Variants in RGS7BP observed in about 807,000 individuals in gnomAD.
RGS7BP encodes regulator of G protein signaling 7 binding protein.
Under a neutral mutation model 31.3 loss-of-function variants are expected in RGS7BP, and 9 were observed. That is an observed-to-expected ratio of 0.29 (90% CI 0.17 to 0.50). The LOEUF is 0.50. Ranked by LOEUF, RGS7BP falls within the 20% of genes least tolerant of loss-of-function variation. The probability of loss-of-function intolerance (pLI) is 0.98; values close to 1 mark genes in which losing one functional copy is unlikely to be tolerated. For synonymous variants in RGS7BP, 115 were observed against 120.1 expected (o/e 0.96, Z 0.28); for missense variants, 274 against 322.0 (o/e 0.85, Z 1.14).
chr5:64,605,232 G>C (rs1229082567), intron 5 of RGS7BP, among the ~76,000 whole-genome samples: 2 of 151,960 alleles, frequency 1.3e-5, no homozygotes, highest in Non-Finnish European at 2.9e-5. Context: ...TGATATAAAA[G>C]TCTTAATTAG....
At chr5:64,596,245 G>A (rs771131983) in intron 4 of RGS7BP, among the ~76,000 whole-genome samples, 1 of 152,184 alleles carries the variant, frequency 6.6e-6, no homozygotes, top group Non-Finnish European at 1.5e-5. Context: ...CCAGATTCTG[G>A]TCAAAGGAGA....
chr5:64,537,823 G>A (rs1436482800), intron 2 of RGS7BP, among the ~76,000 whole-genome samples: 1 of 152,144 alleles, frequency 6.6e-6, no homozygotes, highest in East Asian at 1.9e-4. Context: ...GCTGCTAAAA[G>A]CATTCCATTA....
chr5:64,564,711 G>T (rs1374431062), intron 2 of RGS7BP, among the ~76,000 whole-genome samples: 2 of 152,124 alleles, frequency 1.3e-5, no homozygotes, highest in Non-Finnish European at 2.9e-5. Context: ...TCACTTTGCA[G>T]ACTGTTATAT....
chr5:64,509,787 G>T (rs1388962499), intron 2 of RGS7BP, among the ~76,000 whole-genome samples: 1 of 152,052 alleles, frequency 6.6e-6, no homozygotes, highest in Non-Finnish European at 1.5e-5. Context: ...AAGAATTAGT[G>T]GGAAAATAAG....
At chr5:64,605,926 TGCTATATATATGTATATCTGGATAC>T (rs1743343595) in intron 5 of RGS7BP, among the ~76,000 whole-genome samples, 1 of 148,172 alleles carries the variant, frequency 6.7e-6, no homozygotes, top group East Asian at 2.0e-4. Flanking sequence ...CATATATATA[TGCTATATATATGTATATCTGGATAC>T]ATATATATAT....
intron 2 of RGS7BP, among the ~76,000 whole-genome samples, chr5:64,540,464 A>G (rs1741500058): frequency 6.6e-6 from 1 of 152,318 alleles, no homozygotes; most frequent in South Asian, 2.1e-4. Context: ...GGACTATAAT[A>G]AAATCTCCAA....
At position 64,533,510 on chromosome 5, in the gene RGS7BP, A is replaced by G. The variant is rs537218534; in HGVS notation, c.332+25633A>G. Among the ~76,000 whole-genome samples the G allele has an allele frequency of 1.8e-3, 281 of 152,290 alleles. 1 individual carries two copies. The highest frequency in any genetic ancestry group is 3.2e-3 in the African/African-American group (132 of 41,576). ...AATGCTCAGGCCACGACCCACATCA[A>G]TTGGGACCACCTGGGGGGTGGGATC... On this transcript the variant is annotated intron_variant, in intron 2 of 5. Transcript: ENST00000334025.
At chr5:64,554,215 A>AAT (rs1393673713) in intron 2 of RGS7BP, among the ~76,000 whole-genome samples, 1 of 152,088 alleles carries the variant, frequency 6.6e-6, no homozygotes, top group Non-Finnish European at 1.5e-5. Context: ...CCTCTCTATA[A>AAT]GGTTATTTTG....
Position 64,589,924 on chromosome 5 carries a change from C to G in RGS7BP, c.464-4786C>G, listed in dbSNP as rs1052891700. ...TGGGCAACAGAGCGAGACCCTGACT[C>G]AAAAAAAAAAAAAAAAGACACAACA... On this transcript the variant is annotated intron_variant, in intron 3 of 5. Transcript: ENST00000334025. Among the ~76,000 whole-genome samples the G allele has an allele frequency of 3.8e-5, 4 of 104,408 alleles. 1 individual carries two copies. The highest frequency in any genetic ancestry group is 6.0e-3 in the Middle Eastern group (1 of 166). The allele number at this position is 104,408 out of a possible 152,430, so 68.5% of individuals were successfully genotyped here. A position where few individuals can be genotyped will look rare whatever the true frequency, so the allele number is the denominator to read the frequency against.
At chr5:64,568,616 C>T (rs1742225959) in intron 2 of RGS7BP, among the ~76,000 whole-genome samples, 2 of 151,994 alleles carry the variant, frequency 1.3e-5, no homozygotes, top group Non-Finnish European at 2.9e-5. Context: ...ATGCCTAGAC[C>T]GCCCCTTCAG....
In RGS7BP at chr5:64,506,031, C is replaced by G. The variant is rs1748666401; in HGVS notation, c.-594C>G. 6.6e-6 allele frequency among the ~76,000 whole-genome samples: 1 copy of G among 152,140 alleles called. No individual in the cohort carries two copies. The highest frequency in any genetic ancestry group is 6.5e-5 in the Admixed American group (1 of 15,274). On this transcript the variant is annotated 5_prime_UTR_variant, in exon 1 of 6. Transcript: ENST00000334025. This position sits in a 1 kb window ranked among gnomAD's most constrained non-coding sequence, Gnocchi z 4.6. ...GCGTCTGCCAGTCCCGCCACAGATT[C>G]ATCTGGGATCTTCAAACAGACAAGC...
At chr5:64,590,917 A>G (rs1006863478) in intron 3 of RGS7BP, among the ~76,000 whole-genome samples, 1 of 152,122 alleles carries the variant, frequency 6.6e-6, no homozygotes, top group Admixed American at 6.6e-5. Flanking sequence ...CATTTGAGCT[A>G]AAAATTTAGA....
intron 2 of RGS7BP, among the ~76,000 whole-genome samples, chr5:64,550,008 T>C (rs2111832751): frequency 6.6e-6 from 1 of 152,324 alleles, no homozygotes; most frequent in African/African-American, 2.4e-5. Flanking sequence ...TGTTACTTTA[T>C]AACAAGGATC....
chr5:64,556,648 A>G (rs558350836), intron 2 of RGS7BP, among the ~76,000 whole-genome samples: 16 of 152,226 alleles, frequency 1.1e-4, no homozygotes, highest in African/African-American at 3.9e-4. Context: ...CAAAAAATAT[A>G]TAGTTTTGCT....
intron 2 of RGS7BP, among the ~76,000 whole-genome samples, chr5:64,541,629 C>T (rs1580412910): frequency 6.6e-6 from 1 of 152,206 alleles, no homozygotes; most frequent in Non-Finnish European, 1.5e-5. Context: ...AATTGTATCT[C>T]ATTTTTTCAC....
At chr5:64,540,383 T>C (rs1370091884) in intron 2 of RGS7BP, among the ~76,000 whole-genome samples, 2 of 152,314 alleles carry the variant, frequency 1.3e-5, no homozygotes, top group East Asian at 1.9e-4. Context: ...TTTCTTTTTT[T>C]TAACCAACCA....
At chr5:64,508,705 G>A (rs1466528907) in intron 2 of RGS7BP, among the ~76,000 whole-genome samples, 1 of 152,146 alleles carries the variant, frequency 6.6e-6, no homozygotes, top group African/African-American at 2.4e-5. Flanking sequence ...ATTAATTTAA[G>A]TGCTTTGTTC....
Position 64,565,140 on chromosome 5 carries a change from G to A in RGS7BP, c.333-10634G>A, listed in dbSNP as rs145726183. Among the ~76,000 whole-genome samples, 565 of 152,152 alleles carry A rather than the reference G, an allele frequency of 3.7e-3. 3 individuals carry two copies. The highest frequency in any genetic ancestry group is 0.024 in the Middle Eastern group (7 of 294). On this transcript the variant is annotated intron_variant, in intron 2 of 5. Transcript: ENST00000334025. Reference sequence around the variant, plus strand: ...ATAACCATACTGGAGACTTTATTATGAATAACTTCACTCATCACAACAACA... The same window carrying A: ...ATAACCATACTGGAGACTTTATTATAAATAACTTCACTCATCACAACAACA...
intron 3 of RGS7BP, among the ~76,000 whole-genome samples, chr5:64,577,411 C>T (rs1184955112): frequency 6.6e-6 from 1 of 151,974 alleles, no homozygotes; most frequent in African/African-American, 2.4e-5. Flanking sequence ...CACTGCATTC[C>T]AGCCTGGGTG....
Sources: gnomAD v4.1 joint callset for allele counts (sites outside exome capture counted in the v4.1 genomes callset) on GRCh38, gnomAD v4.1.1 for gene constraint, Gnocchi (gnomAD v3.1) non-coding constraint, MANE v1.5 for transcripts, NCBI Gene and HGNC (gene_info 2026-07-23, HGNC 2026-07-21) for gene names.